The following KCNE3 variants were observed in gnomAD, a reference collection of about 807,000 sequenced individuals.
The protein encoded by KCNE3 is potassium voltage-gated channel subfamily E regulatory subunit 3, also known as potassium voltage-gated channel subfamily E member 3.
In KCNE3, 2 loss-of-function variants were observed where a neutral mutation model predicts 4.3. The ratio of observed to expected loss-of-function variants is 0.47; its 90% CI spans 0.19 to 1.48. The LOEUF (loss-of-function observed/expected upper bound fraction) is 1.48, where lower values mean the gene tolerates loss of function less well. Ranked by LOEUF, KCNE3 falls within the 40% of genes most tolerant of loss-of-function variation. The pLI, the probability that KCNE3 is intolerant of heterozygous loss-of-function variation, is 0.25. For synonymous variants in KCNE3, 47 were observed against 52.0 expected (o/e 0.90, Z 0.41); for missense variants, 128 against 136.8 (o/e 0.94, Z 0.32).
intron 1 of KCNE3, among the ~76,000 whole-genome samples, chr11:74,466,285 A>G (rs1479293242): frequency 6.6e-6 from 1 of 152,172 alleles, no homozygotes; most frequent in Non-Finnish European, 1.5e-5. Context: ...GAGCACTCGC[A>G]CATTAAGTTT....
In KCNE3 at chr11:74,457,273, C is replaced by T; in HGVS notation, c.291G>A (p.Lys97=). ...CGTGTTAGATCATAGACACACGGTT[C>T]TTGATATACACATGATAGGGGTCAC... ...KRSDPYHVYI[K]NRVSMI is the part of the protein sequence containing the mutation. The change falls in exon 3 of 3, where the codon AAG becomes AAA. Residue 97 remains lysine (K), a synonymous_variant. Coordinates refer to ENST00000310128, the MANE Select transcript of KCNE3 (RefSeq NM_005472.5). 6.2e-7 allele frequency: 1 copy of T among 1,614,054 alleles called. No individual in the cohort carries two copies. Among genetic ancestry groups the T allele is most frequent in the Non-Finnish European group, 8.5e-7 (1 of 1,180,024 alleles).
At position 74,456,970 on chromosome 11, in the gene KCNE3, T is replaced by C; in HGVS notation, c.*282A>G. The C allele has an allele frequency of 2.1e-6, 1 of 477,714 alleles. No homozygotes were observed. The highest frequency in any genetic ancestry group is 2.3e-5 in the South Asian group (1 of 43,844). The allele number at this position is 477,714 out of a possible 1,614,324, so 29.6% of individuals were successfully genotyped here. On this transcript the variant is annotated 3_prime_UTR_variant, in exon 3 of 3. Transcript: ENST00000310128. ...CCCAGGCCCCTAATACTCCAGCCAC[T>C]GAACCAGTTATTGGTCATTATCTGT...
intron 1 of KCNE3, among the ~76,000 whole-genome samples, chr11:74,463,261 G>T (rs1405624374): frequency 6.6e-6 from 1 of 152,104 alleles, no homozygotes; most frequent in Non-Finnish European, 1.5e-5. Flanking sequence ...ATGCCTCAGG[G>T]TCTCTCTGAA....
At chr11:74,463,432 G>A (rs762538343) in intron 1 of KCNE3, among the ~76,000 whole-genome samples, 1 of 152,104 alleles carries the variant, frequency 6.6e-6, no homozygotes, top group Non-Finnish European at 1.5e-5. Flanking sequence ...GGTTCTCTAT[G>A]GGGCTCTGGG....
chr11:74,467,058 C>G lies in KCNE3; in HGVS notation c.-190+340G>C, dbSNP rs1012329276. Among the ~76,000 whole-genome samples the G allele has an allele frequency of 2.0e-5, 3 of 152,226 alleles. No individual in the cohort carries two copies. Among genetic ancestry groups the G allele is most frequent in the African/African-American group, 7.2e-5 (3 of 41,456 alleles). Reference sequence around the variant, plus strand: ...TTTCTGCGTGTGCACTGGCTGCCAGCTGCAAGTGTTCGCTTGCACGTCTGT... The same window carrying G: ...TTTCTGCGTGTGCACTGGCTGCCAGGTGCAAGTGTTCGCTTGCACGTCTGT... On this transcript the variant is annotated intron_variant, in intron 1 of 2. Transcript: ENST00000310128. This position sits in a 1 kb window ranked among gnomAD's most constrained non-coding sequence, Gnocchi z 4.4.
intron 1 of KCNE3, among the ~76,000 whole-genome samples, chr11:74,464,501 C>T (rs1864019503): frequency 6.6e-6 from 1 of 152,122 alleles, no homozygotes; most frequent in South Asian, 2.1e-4. Context: ...CCTTAGCATC[C>T]AGTTGGAAGG....
chr11:74,457,852 C>T (rs769719831), intron 2 of KCNE3, among the ~76,000 whole-genome samples: 83 of 152,274 alleles, frequency 5.5e-4, no homozygotes, highest in Middle Eastern at 3.4e-3. Context: ...ATAAGTCTCA[C>T]GAGATCTGAT....
intron 2 of KCNE3, among the ~76,000 whole-genome samples, chr11:74,459,950 T>A (rs1863914657): frequency 6.6e-6 from 1 of 152,220 alleles, no homozygotes; most frequent in Admixed American, 6.5e-5. Flanking sequence ...AGATGTTCAC[T>A]TTAAGGAATT....
intron 2 of KCNE3, among the ~76,000 whole-genome samples, chr11:74,458,838 G>GA (rs1240035226): frequency 0.011 from 1,391 of 130,558 alleles, 19 homozygotes; most frequent in African/African-American, 0.033. Flanking sequence ...TGTCTCAAAA[G>GA]AAAAAAAAAA....
intron 2 of KCNE3, among the ~76,000 whole-genome samples, chr11:74,460,262 C>G (rs1196544780): frequency 6.6e-6 from 1 of 152,208 alleles, no homozygotes; most frequent in Non-Finnish European, 1.5e-5. Flanking sequence ...CCCCATGTGT[C>G]AGGCAAGAAC....
chr11:74,457,164 A>T lies in KCNE3; in HGVS notation c.*88T>A. 8.0e-7 allele frequency: 1 copy of T among 1,251,070 alleles called. No individual in the cohort carries two copies. The highest frequency in any genetic ancestry group is 1.1e-6 in the Non-Finnish European group (1 of 871,088). 77.5% of individuals were successfully genotyped at this position (1,251,070 alleles called of 1,614,324 possible). A position where few individuals can be genotyped will look rare whatever the true frequency, so the allele number is the denominator to read the frequency against. ...GTTGATCTTACAGATAGGGACACTGAGACCTGATGCAGTCCACAGCAGAGT... is the reference window on the plus strand; with the variant it reads ...GTTGATCTTACAGATAGGGACACTGTGACCTGATGCAGTCCACAGCAGAGT... On this transcript the variant is annotated 3_prime_UTR_variant, in exon 3 of 3. Coordinates refer to ENST00000310128, the MANE Select transcript of KCNE3 (RefSeq NM_005472.5).
chr11:74,457,098 T>C lies in KCNE3; in HGVS notation c.*154A>G, dbSNP rs1048476482. ...CAAGGCTTCGGTCTACCAGCCCCTC[T>C]TCTCCCACCCCAGTGACGACCTCCC... On this transcript the variant is annotated 3_prime_UTR_variant, in exon 3 of 3. Transcript: ENST00000310128. The C allele has an allele frequency of 2.6e-6, 2 of 758,874 alleles. No individual in the cohort carries two copies. The highest frequency in any genetic ancestry group is 3.5e-5 in the African/African-American group (2 of 57,446). 47.0% of individuals were successfully genotyped at this position (758,874 alleles called of 1,614,324 possible). A position where few individuals can be genotyped will look rare whatever the true frequency, so the allele number is the denominator to read the frequency against.
At chr11:74,459,626 C>T (rs1011108340) in intron 2 of KCNE3, among the ~76,000 whole-genome samples, 3 of 152,114 alleles carry the variant, frequency 2.0e-5, no homozygotes, top group Non-Finnish European at 4.4e-5. Flanking sequence ...CAAGGCCCCA[C>T]ACTCACTTCC....
At chr11:74,460,008 A>T (rs1173422888) in intron 2 of KCNE3, among the ~76,000 whole-genome samples, 1 of 152,204 alleles carries the variant, frequency 6.6e-6, no homozygotes, top group Non-Finnish European at 1.5e-5. Flanking sequence ...TAGAACTGTT[A>T]ACAAACTAAT....
chr11:74,462,397 C>T (rs551179517), intron 1 of KCNE3: 253 of 152,376 alleles, frequency 1.7e-3, no homozygotes, highest in African/African-American at 6.0e-3. Flanking sequence ...AAAATGTGGA[C>T]TCCCACTCAG....
Position 74,457,292 on chromosome 11 carries a change from G to C in KCNE3, c.272C>G (p.Pro91Arg). Residue 91 changes from proline to arginine, a missense_variant, in exon 3 of 3, where the codon CCC becomes CGC. Transcript: ENST00000310128. ...RSRKVDKRSD[P>R]YHVYIKNRVS... is the part of the protein sequence containing the mutation. ...ACGGTTCTTGATATACACATGATAGGGGTCACTACGCTTGTCCACTTTGCG... is the reference window on the plus strand; with the variant it reads ...ACGGTTCTTGATATACACATGATAGCGGTCACTACGCTTGTCCACTTTGCG... 2 of 1,614,046 alleles carry C rather than the reference G, an allele frequency of 1.2e-6. No individual in the cohort carries two copies. The highest frequency in any genetic ancestry group is 1.7e-6 in the Non-Finnish European group (2 of 1,180,018).
rs777182014 is a variant in KCNE3, at chr11:74,457,581, T to C, written c.-18A>G. The C allele has an allele frequency of 6.2e-7, 1 of 1,612,476 alleles. No individual in the cohort carries two copies. ...GTCTCCATAGCAACAGGGATTGAGG[T>C]GGGGGAAGACTCGGTAGAAGCTCTG... On this transcript the variant is annotated 5_prime_UTR_variant, in exon 3 of 3. Coordinates refer to ENST00000310128, the MANE Select transcript of KCNE3 (RefSeq NM_005472.5).
At chr11:74,466,738 C>T (rs1864065472) in intron 1 of KCNE3, among the ~76,000 whole-genome samples, 1 of 152,176 alleles carries the variant, frequency 6.6e-6, no homozygotes, top group South Asian at 2.1e-4. Context: ...ATGCAGGCAA[C>T]AGGAGCAGGA....
chr11:74,457,889 C>CCTG, intron 2 of KCNE3, among the ~76,000 whole-genome samples: 1 of 152,200 alleles, frequency 6.6e-6, no homozygotes, highest in Non-Finnish European at 1.5e-5. Context: ...TTCCCCTGCA[C>CCTG]CTGCTCTCTT....
Sources: allele counts gnomAD v4.1 joint callset (sites outside exome capture counted in the v4.1 genomes callset), GRCh38; gene constraint gnomAD v4.1.1; non-coding constraint Gnocchi (gnomAD v3.1); transcripts MANE v1.5; gene names NCBI Gene and HGNC (gene_info 2026-07-23, HGNC 2026-07-21).